The following NCKAP5 variants were observed in gnomAD, a reference collection of about 807,000 sequenced individuals.
NCKAP5 encodes nck-associated protein 5.
In NCKAP5, 92 loss-of-function variants were observed where a neutral mutation model predicts 167.0. That is an observed-to-expected ratio of 0.55 (90% CI 0.47 to 0.66). The LOEUF is 0.66. Among genes scored for constraint, NCKAP5 ranks in the 30% least tolerant of loss-of-function variants. The pLI is 0.00. For missense variants in NCKAP5, 2,378 were observed against 2,315.0 expected (o/e 1.03, Z -0.56); for synonymous variants, 891 against 877.4 (o/e 1.02, Z -0.27).
At chr2:133,192,667 A>G (rs904496745) in intron 5 of NCKAP5, among the ~76,000 whole-genome samples, 4 of 133,748 alleles carry the variant, frequency 3.0e-5, no homozygotes, top group African/African-American at 1.0e-4. Context: ...GCCACTAACC[A>G]TTAGAGTAAT....
chr2:133,637,174 T>C, the NCKAP5 span, among the ~76,000 whole-genome samples: 1 of 151,966 alleles, frequency 6.6e-6, no homozygotes, highest in African/African-American at 2.4e-5. Flanking sequence ...CCCGCACTTC[T>C]CCTACCACCA....
intron 6 of NCKAP5, among the ~76,000 whole-genome samples, chr2:133,050,805 A>G: frequency 6.6e-6 from 1 of 152,234 alleles, no homozygotes; most frequent in Non-Finnish European, 1.5e-5. Context: ...ATAAAAGGTC[A>G]CTTACTTTCT....
chr2:133,626,728 G>T, the NCKAP5 span, among the ~76,000 whole-genome samples: 4 of 152,054 alleles, frequency 2.6e-5, no homozygotes, highest in Admixed American at 6.5e-5. Context: ...AAATAACCTG[G>T]AAGTAGTAAG....
chr2:133,593,985 G>T, the NCKAP5 span, among the ~76,000 whole-genome samples: 1 of 152,224 alleles, frequency 6.6e-6, no homozygotes, highest in Non-Finnish European at 1.5e-5. Context: ...CCCAGGTGGA[G>T]CCTCCTAGAG....
At chr2:132,903,696 A>G (rs2148921098) in intron 8 of NCKAP5, among the ~76,000 whole-genome samples, 1 of 152,306 alleles carries the variant, frequency 6.6e-6, no homozygotes, top group South Asian at 2.1e-4. Flanking sequence ...AATAATGTCT[A>G]TCTTTTGGAG....
Position 133,116,522 on chromosome 2 carries a change from A to C in NCKAP5, c.341+13456T>G, listed in dbSNP as rs898384709. ...AAAAAAAAAAAAAAAAAAAAGAAAA[A>C]TTTGTCAGTCATGCAGAACATACCT... On this transcript the variant is annotated intron_variant, in intron 6 of 19. Coordinates refer to ENST00000409261, the MANE Select transcript of NCKAP5 (RefSeq NM_207363.3). Among the ~76,000 whole-genome samples, 6 of 150,650 alleles carry C rather than the reference A, an allele frequency of 4.0e-5. 1 individual carries two copies. Among genetic ancestry groups the C allele is most frequent in the Non-Finnish European group, 8.9e-5 (6 of 67,680 alleles).
At chr2:133,436,100 C>T (rs563580305) in intron 3 of NCKAP5, among the ~76,000 whole-genome samples, 2 of 152,260 alleles carry the variant, frequency 1.3e-5, no homozygotes, top group African/African-American at 4.8e-5. Context: ...CTATATTTAC[C>T]ATCCCCCCAC....
chr2:133,338,934 T>C (rs1683394924), intron 3 of NCKAP5, among the ~76,000 whole-genome samples: 1 of 151,970 alleles, frequency 6.6e-6, no homozygotes, highest in Non-Finnish European at 1.5e-5. Flanking sequence ...GCAGGAGAAT[T>C]GCTTGAACCT....
At chr2:133,588,295 C>T in the NCKAP5 span, among the ~76,000 whole-genome samples, 9 of 129,312 alleles carry the variant, frequency 7.0e-5, no homozygotes, top group African/African-American at 1.5e-4. Flanking sequence ...CCCTACCTCT[C>T]GTCTTCTCTC....
chr2:132,887,348 T>TATCTATCC (rs1000015209), intron 8 of NCKAP5, among the ~76,000 whole-genome samples: 4 of 128,612 alleles, frequency 3.1e-5, no homozygotes, highest in South Asian at 4.6e-4. Flanking sequence ...TCTATCTATC[T>TATCTATCC]ATCCATCCAT....
At chr2:132,841,003 C>G (rs1208848786) in intron 11 of NCKAP5, among the ~76,000 whole-genome samples, 1 of 152,142 alleles carries the variant, frequency 6.6e-6, no homozygotes, top group East Asian at 1.9e-4. Context: ...TTCTGCAGAA[C>G]TGAAATACTG....
At chr2:133,558,962 G>A (rs571631784) in intron 2 of NCKAP5, 88 bp downstream of exon 2, 10 of 151,982 alleles carry the variant, frequency 6.6e-5, no homozygotes, top group African/African-American at 2.2e-4. Context: ...AAGGGCCTAC[G>A]TCGTCCTCAA....
At chr2:132,675,864 G>GC (rs1684387341) in intron 19 of NCKAP5, among the ~76,000 whole-genome samples, 3 of 145,848 alleles carry the variant, frequency 2.1e-5, no homozygotes, top group African/African-American at 7.8e-5. Flanking sequence ...AAGCAAACAA[G>GC]AAACATGAAC....
At chr2:133,278,502 T>C (rs1213352514) in intron 4 of NCKAP5, among the ~76,000 whole-genome samples, 1 of 152,138 alleles carries the variant, frequency 6.6e-6, no homozygotes, top group Non-Finnish European at 1.5e-5. Context: ...GGACCTGTGA[T>C]TACACTGGAC....
intron 3 of NCKAP5, among the ~76,000 whole-genome samples, chr2:133,491,409 T>C (rs1681428833): frequency 6.6e-6 from 1 of 152,136 alleles, no homozygotes. Flanking sequence ...GGTTAAGACC[T>C]GCCTCATGGT....
intron 11 of NCKAP5, among the ~76,000 whole-genome samples, chr2:132,840,276 AT>A (rs199908793): frequency 0.024 from 3,258 of 135,116 alleles, 42 homozygotes; most frequent in Middle Eastern, 0.035. Context: ...ATTGCACAGC[AT>A]TTTTTTTTTT....
chr2:133,085,465 A>C (rs1296772259), intron 6 of NCKAP5, among the ~76,000 whole-genome samples: 2 of 152,176 alleles, frequency 1.3e-5, no homozygotes, highest in African/African-American at 4.8e-5. Flanking sequence ...ACACACAAAA[A>C]TAAAATGTGC....
At chr2:132,734,752 AG>A (rs5834329) in intron 16 of NCKAP5, among the ~76,000 whole-genome samples, 17,965 of 152,288 alleles carry the variant, frequency 0.12, 1,655 homozygotes, top group East Asian at 0.45. Context: ...AACTTGTCCA[AG>A]GTCATATGCT....
intron 5 of NCKAP5, among the ~76,000 whole-genome samples, chr2:133,180,779 G>T (rs2150033808): frequency 6.6e-6 from 1 of 152,200 alleles, no homozygotes; most frequent in East Asian, 1.9e-4. Flanking sequence ...CCTTGATATT[G>T]GTTTGGCAAC....
Sources: allele counts gnomAD v4.1 joint callset (sites outside exome capture counted in the v4.1 genomes callset), GRCh38; gene constraint gnomAD v4.1.1; transcripts MANE v1.5; gene names NCBI Gene and HGNC (gene_info 2026-07-23, HGNC 2026-07-21).